Variants in UNC79 observed in about 807,000 individuals in gnomAD.
UNC79 encodes the protein protein unc-79 homolog.
Under a neutral mutation model 283.1 loss-of-function variants are expected in UNC79, and 37 were observed. The ratio of observed to expected loss-of-function variants is 0.13; its 90% CI spans 0.10 to 0.17. UNC79 has a LOEUF of 0.17. Among genes scored for constraint, UNC79 ranks in the 10% least tolerant of loss-of-function variants. The pLI, the probability that UNC79 is intolerant of heterozygous loss-of-function variation, is 1.00. For missense variants in UNC79, 2,272 were observed against 3,211.1 expected, an observed-to-expected ratio of 0.71 and a Z score of 7.07; for synonymous variants, 1,107 against 1,200.2, an observed-to-expected ratio of 0.92 and a Z score of 1.61.
chr14:93,398,652 A>G (rs570472336), intron 1 of UNC79, among the ~76,000 whole-genome samples: 12 of 152,322 alleles, frequency 7.9e-5, no homozygotes, highest in African/African-American at 2.2e-4. Flanking sequence ...AAACCCCATG[A>G]TGAAGGATTA....
At chr14:93,670,335 T>G (rs751442326) in intron 40 of UNC79, among the ~76,000 whole-genome samples, 22 of 152,202 alleles carry the variant, frequency 1.4e-4, no homozygotes, top group Non-Finnish European at 2.6e-4. Context: ...CCCACCTTCA[T>G]TTGCCAATTG....
intron 1 of UNC79, among the ~76,000 whole-genome samples, chr14:93,354,501 T>C (rs137988090): frequency 2.6e-5 from 4 of 152,296 alleles, no homozygotes; most frequent in African/African-American, 9.6e-5. Flanking sequence ...GTCCCCAGCA[T>C]TTTTTTCTTT....
intron 1 of UNC79, among the ~76,000 whole-genome samples, chr14:93,363,929 C>G (rs1052278211): frequency 6.6e-5 from 10 of 152,006 alleles, no homozygotes; most frequent in African/African-American, 2.4e-4. Context: ...ACCTTGTTAG[C>G]CAGGATGGTC....
At chr14:93,657,176 A>C (rs2140386796) in intron 38 of UNC79, among the ~76,000 whole-genome samples, 1 of 152,184 alleles carries the variant, frequency 6.6e-6, no homozygotes, top group African/African-American at 2.4e-5. Flanking sequence ...AATCCAAGCA[A>C]GAAGGGTTAG....
chr14:93,637,256 G>T, exon 32 of UNC79: 1 of 1,582,452 alleles, frequency 6.3e-7, no homozygotes, highest in Non-Finnish European at 8.7e-7. Context: ...ACGTGCCAAC[G>T]TGCCTAAACC....
At chr14:93,405,562 A>G (rs1391611966) in intron 1 of UNC79, among the ~76,000 whole-genome samples, 1 of 152,214 alleles carries the variant, frequency 6.6e-6, no homozygotes, top group Non-Finnish European at 1.5e-5. Context: ...GAACATTACA[A>G]ACATTGATCA....
At chr14:93,414,392 G>C (rs984981511) in intron 1 of UNC79, among the ~76,000 whole-genome samples, 5 of 152,126 alleles carry the variant, frequency 3.3e-5, no homozygotes, top group South Asian at 2.1e-4. Context: ...CTATATTTCT[G>C]TTTTGGTACC....
exon 49 of UNC79, chr14:93,706,883 C>T (rs760673365): frequency 1.2e-6 from 2 of 1,614,144 alleles, no homozygotes; most frequent in East Asian, 2.2e-5. Flanking sequence ...CGGAAGCAGC[C>T]TCTCAATTTT....
intron 14 of UNC79, among the ~76,000 whole-genome samples, chr14:93,559,204 T>C (rs2062391396): frequency 6.6e-6 from 1 of 152,128 alleles, no homozygotes; most frequent in African/African-American, 2.4e-5. Context: ...AAATTGGCAG[T>C]GAGGTGCAGA....
intron 28 of UNC79, 79 bp from the exon 30 acceptor site, chr14:93,618,113 A>G: frequency 6.8e-7 from 1 of 1,479,072 alleles, no homozygotes; most frequent in Non-Finnish European, 9.1e-7. Flanking sequence ...TACTGCAAAA[A>G]GTATCCAGCA....
intron 14 of UNC79, among the ~76,000 whole-genome samples, chr14:93,547,521 A>G (rs932649483): frequency 2.6e-5 from 4 of 152,244 alleles, no homozygotes; most frequent in Non-Finnish European, 4.4e-5. Context: ...CCAACATTAC[A>G]GGTCACTGTG....
chr14:93,593,877 A>G (rs776667941), intron 23 of UNC79, 40 bp downstream of exon 23: 6 of 1,534,818 alleles, frequency 3.9e-6, no homozygotes, highest in African/African-American at 2.8e-5. Context: ...TGGGTCACAC[A>G]GTACACGGGT....
At chr14:93,633,063 A>T (rs2068169452) in intron 31 of UNC79, among the ~76,000 whole-genome samples, 1 of 152,062 alleles carries the variant, frequency 6.6e-6, no homozygotes, top group South Asian at 2.1e-4. Flanking sequence ...GAGGTTTAAA[A>T]TTTTCATTTG....
chr14:93,410,004 T>C (rs2055303077), intron 1 of UNC79, among the ~76,000 whole-genome samples: 1 of 152,224 alleles, frequency 6.6e-6, no homozygotes, highest in Non-Finnish European at 1.5e-5. Context: ...AAAAATTAGG[T>C]GATCACTCAC....
chr14:93,673,500 A>G, intron 41 of UNC79, 45 bp downstream of exon 44: 5 of 1,558,628 alleles, frequency 3.2e-6, no homozygotes, highest in Non-Finnish European at 4.4e-6. Context: ...AGATCCATGT[A>G]TGTTTGGGAA....
intron 2 of UNC79, among the ~76,000 whole-genome samples, chr14:93,473,554 C>G (rs1022890327): frequency 6.6e-6 from 1 of 152,164 alleles, no homozygotes; most frequent in African/African-American, 2.4e-5. Context: ...TATTTTGATG[C>G]AATAAACATG....
At chr14:93,544,977 C>G (rs934883199) in intron 14 of UNC79, among the ~76,000 whole-genome samples, 1 of 151,970 alleles carries the variant, frequency 6.6e-6, no homozygotes, top group African/African-American at 2.4e-5. Flanking sequence ...CCCACTTCAG[C>G]TTTTAGGGCT....
Position 93,404,486 on chromosome 14 carries a change from T to TAAAAAAAAAAAA in UNC79, c.-350-63177_-350-63176insAAAAAAAAAAAA, listed in dbSNP as rs34406486. ...GGCTGAATGACAGAGTGAGACCTTCTAAAAAAAATATATATATATATATAT... is the reference window on the plus strand; with the variant it reads ...GGCTGAATGACAGAGTGAGACCTTCTAAAAAAAAAAAAAAAAAAAATATATATATATATATAT... On this transcript the variant is annotated intron_variant, in intron 1 of 49. Transcript: ENST00000256339. Among the ~76,000 whole-genome samples the TAAAAAAAAAAAA allele has an allele frequency of 4.5e-4, 24 of 53,030 alleles. 2 individuals are homozygous for TAAAAAAAAAAAA. Among genetic ancestry groups the TAAAAAAAAAAAA allele is most frequent in the South Asian group, 1.6e-3 (3 of 1,884 alleles). 34.8% of individuals were successfully genotyped at this position (53,030 alleles called of 152,430 possible).
chr14:93,639,739 G>C (rs2068849703), intron 32 of UNC79, among the ~76,000 whole-genome samples: 1 of 152,210 alleles, frequency 6.6e-6, no homozygotes, highest in South Asian at 2.1e-4. Context: ...CAGAATGGAA[G>C]CATCTTGACT....
Sources: allele counts gnomAD v4.1 joint callset (sites outside exome capture counted in the v4.1 genomes callset), GRCh38; gene constraint gnomAD v4.1.1; transcripts MANE v1.5; gene names NCBI Gene and HGNC (gene_info 2026-07-23, HGNC 2026-07-21).